PTPN22: variants seen among roughly 807,000 people sequenced by gnomAD.
PTPN22 encodes the protein tyrosine-protein phosphatase non-receptor type 22.
A neutral mutation model predicts 103.3 loss-of-function variants in PTPN22; 85 were observed. That is an observed-to-expected ratio of 0.82 (90% CI 0.69 to 0.99). The LOEUF (loss-of-function observed/expected upper bound fraction) is 0.99, where lower values mean the gene tolerates loss of function less well. PTPN22 is among the 50% of genes least tolerant of loss of function. PTPN22 has a pLI of 0.00. For synonymous variants in PTPN22, 323 were observed against 310.2 expected (o/e 1.04, Z -0.43); for missense variants, 865 against 936.9 (o/e 0.92, Z 1.00).
At chr1:113,866,438 G>A (rs1430181484) in intron 1 of PTPN22, among the ~76,000 whole-genome samples, 2 of 152,036 alleles carry the variant, frequency 1.3e-5, no homozygotes, top group Non-Finnish European at 2.9e-5. Context: ...TTGAACCCGG[G>A]AGGTGGTGGT....
At chr1:113,820,517 T>C (rs1314673566) in intron 19 of PTPN22, among the ~76,000 whole-genome samples, 1 of 152,162 alleles carries the variant, frequency 6.6e-6, no homozygotes, top group Admixed American at 6.5e-5. Context: ...AAAGCATTGT[T>C]ATGCTGCTTT....
chr1:113,815,023 G>C, intron 20 of PTPN22, 54 bp from the exon 21 acceptor site: 2 of 1,283,556 alleles, frequency 1.6e-6, no homozygotes, highest in Non-Finnish European at 2.2e-6. Flanking sequence ...GTATAGAAAT[G>C]AATACTTGGA....
intron 16 of PTPN22, 186 bp downstream of exon 16, chr1:113,832,925 C>G: frequency 1.8e-6 from 1 of 555,242 alleles, no homozygotes; most frequent in Admixed American, 3.7e-5. Flanking sequence ...GAGCAGAATT[C>G]TAAAATCCTG....
intron 20 of PTPN22, 32 bp downstream of exon 20, chr1:113,819,545 T>C: frequency 1.3e-6 from 2 of 1,511,912 alleles, no homozygotes; most frequent in Non-Finnish European, 1.8e-6. Context: ...TTAGGTAATT[T>C]TTTTAACTCT....
intron 16 of PTPN22, among the ~76,000 whole-genome samples, chr1:113,832,344 C>T (rs12746551): frequency 6.6e-6 from 1 of 152,252 alleles, no homozygotes; most frequent in Middle Eastern, 3.4e-3. Flanking sequence ...CCCGCCACCA[C>T]GCCCAGCTAA....
chr1:113,871,595 A>T, exon 1 of PTPN22: 1 of 1,614,060 alleles, frequency 6.2e-7, no homozygotes, highest in Non-Finnish European at 8.5e-7. Context: ...CTCATCCAGG[A>T]ACTTCTGCAG....
At position 113,848,633 on chromosome 1, in the gene PTPN22, A is replaced by G; in HGVS notation, c.829-7T>C. The G allele has an allele frequency of 1.9e-6, 3 of 1,610,456 alleles. No homozygotes were observed. Among genetic ancestry groups the G allele is most frequent in the Non-Finnish European group, 2.5e-6 (3 of 1,179,046 alleles). ...AGACCAGTTCATATTGTTCCTGAAGAGCATCACAACCCAGAACAAATGAAA... is the reference window on the plus strand; with the variant it reads ...AGACCAGTTCATATTGTTCCTGAAGGGCATCACAACCCAGAACAAATGAAA... On this transcript the variant is annotated splice_polypyrimidine_tract_variant and splice_region_variant and intron_variant, in intron 10 of 20. Coordinates refer to ENST00000359785, the Ensembl canonical transcript of PTPN22.
intron 12 of PTPN22, 59 bp downstream of exon 12, chr1:113,838,485 A>G: frequency 1.9e-6 from 3 of 1,602,900 alleles, no homozygotes; most frequent in East Asian, 4.5e-5. Context: ...ATGTATAAGC[A>G]TGAGATTCAT....
intron 18 of PTPN22, among the ~76,000 whole-genome samples, chr1:113,827,921 C>CA (rs1354689037): frequency 6.6e-6 from 1 of 152,134 alleles, no homozygotes; most frequent in Non-Finnish European, 1.5e-5. Flanking sequence ...AGAGTGTAAT[C>CA]AAACTTTTGG....
At chr1:113,818,613 C>G (rs936336242) in intron 20 of PTPN22, among the ~76,000 whole-genome samples, 7 of 152,190 alleles carry the variant, frequency 4.6e-5, no homozygotes, top group African/African-American at 1.7e-4. Flanking sequence ...CCCCATCCAC[C>G]AATATCTTCT....
chr1:113,826,926 C>T (rs1303848693), intron 18 of PTPN22, among the ~76,000 whole-genome samples: 2 of 151,970 alleles, frequency 1.3e-5, no homozygotes, highest in Non-Finnish European at 2.9e-5. Flanking sequence ...GCCTCGGCCT[C>T]CCAAAGTGCT....
chr1:113,820,176 G>A (rs1661470161), intron 19 of PTPN22, among the ~76,000 whole-genome samples: 1 of 151,826 alleles, frequency 6.6e-6, no homozygotes, highest in African/African-American at 2.4e-5. Context: ...GCCCATAACC[G>A]GGCACGGTGA....
Position 113,830,915 on chromosome 1 carries a change from A to T in PTPN22, c.2054-886T>A, listed in dbSNP as rs567464036. On this transcript the variant is annotated intron_variant, in intron 16 of 20. Transcript: ENST00000359785. ...GTCATTGGGTTTGTTTAGTCCTTAG[A>T]ATTTGTCTTATCAATAAATTGTCTT... 5.9e-4 allele frequency among the ~76,000 whole-genome samples: 90 copies of T among 152,276 alleles called. 1 individual carries two copies. The highest frequency in any genetic ancestry group is 1.9e-3 in the African/African-American group (78 of 41,584).
At chr1:113,824,966 CAAAAA>C (rs35424386) in intron 19 of PTPN22, among the ~76,000 whole-genome samples, 171 bp downstream of exon 19, 5 of 65,150 alleles carry the variant, frequency 7.7e-5, no homozygotes, top group Admixed American at 1.8e-4. Context: ...TGAAGCCTAG[CAAAAA>C]AAAAAAAAAA....
intron 10 of PTPN22, among the ~76,000 whole-genome samples, chr1:113,849,440 T>C (rs1002222570): frequency 6.6e-6 from 1 of 151,366 alleles, no homozygotes; most frequent in African/African-American, 2.4e-5. Flanking sequence ...GGGTTTTACC[T>C]GAAAGGGCCT....
At chr1:113,858,830 G>C (rs1022340410) in intron 3 of PTPN22, among the ~76,000 whole-genome samples, 172 bp downstream of exon 3, 1 of 152,044 alleles carries the variant, frequency 6.6e-6, no homozygotes, top group Non-Finnish European at 1.5e-5. Context: ...TGTTGAGATG[G>C]GGTCTCATAT....
chr1:113,849,855 C>T (rs1032788922), intron 10 of PTPN22, among the ~76,000 whole-genome samples: 5 of 151,890 alleles, frequency 3.3e-5, no homozygotes, highest in South Asian at 2.1e-4. Flanking sequence ...TCCCAAAGTG[C>T]GGAGATTATA....
intron 11 of PTPN22, among the ~76,000 whole-genome samples, chr1:113,841,107 C>T (rs1289601451): frequency 6.6e-6 from 1 of 152,000 alleles, no homozygotes; most frequent in Admixed American, 6.6e-5. Context: ...GCCTGTAATC[C>T]CAGCTACTCA....
At chr1:113,867,099 T>C (rs778565284) in intron 1 of PTPN22, among the ~76,000 whole-genome samples, 3 of 152,202 alleles carry the variant, frequency 2.0e-5, no homozygotes, top group Non-Finnish European at 4.4e-5. Flanking sequence ...TATGGTGAGT[T>C]TACTTTCTTT....
Sources: allele counts gnomAD v4.1 joint callset (sites outside exome capture counted in the v4.1 genomes callset), GRCh38; gene constraint gnomAD v4.1.1; transcripts MANE v1.5; gene names NCBI Gene and HGNC (gene_info 2026-07-23, HGNC 2026-07-21).